The following PHLDB3 variants were observed in gnomAD, a reference collection of about 807,000 sequenced individuals.
The protein encoded by PHLDB3 is pleckstrin homology like domain family B member 3, also known as pleckstrin homology-like domain family B member 3.
A neutral mutation model predicts 85.7 loss-of-function variants in PHLDB3; 86 were observed. The observed-to-expected ratio is 1.00, with a 90% CI of 0.84 to 1.20. PHLDB3 has a LOEUF of 1.20. PHLDB3 is among the 50% of genes most tolerant of loss of function. The pLI, the probability that PHLDB3 is intolerant of heterozygous loss-of-function variation, is 0.00. For synonymous variants in PHLDB3, 376 were observed against 349.8 expected (o/e 1.07, Z -0.83); for missense variants, 995 against 873.0 (o/e 1.14, Z -1.76).
chr19:43,497,354 C>T (rs1476604932), intron 5 of PHLDB3, 75 bp from the exon 6 acceptor site: 77 of 1,210,718 alleles, frequency 6.4e-5, no homozygotes, highest in Admixed American at 1.8e-4. Flanking sequence ...GGGGCTGGGA[C>T]TCCTGGTCAG....
chr19:43,483,987 C>T (rs1971099213), intron 13 of PHLDB3, among the ~76,000 whole-genome samples: 1 of 151,782 alleles, frequency 6.6e-6, no homozygotes, highest in Non-Finnish European at 1.5e-5. Flanking sequence ...CACGGTAGCT[C>T]ATGCCTGTAA....
intron 4 of PHLDB3, among the ~76,000 whole-genome samples, chr19:43,499,469 G>A (rs981810061): frequency 6.6e-6 from 1 of 152,056 alleles, no homozygotes; most frequent in Non-Finnish European, 1.5e-5. Flanking sequence ...GGCTGCGACC[G>A]AGATTTCTGG....
In PHLDB3 at chr19:43,479,613, G is replaced by A; in HGVS notation, c.1486-20C>T. 3 of 1,492,032 alleles carry A rather than the reference G, an allele frequency of 2.0e-6. No individual in the cohort carries two copies. The highest frequency in any genetic ancestry group is 2.7e-6 in the Non-Finnish European group (3 of 1,096,858). 92.4% of individuals were successfully genotyped at this position (1,492,032 alleles called of 1,614,324 possible). The stretch of plus-strand genomic sequence containing the variant: ...TGGGGCCTGGGGAGCAAAGAGACGG[G>A]GCAGCTGATGTAAGGGGCGGGGGAT... On this transcript the variant is annotated intron_variant, in intron 13 of 15. Transcript: ENST00000292140.
chr19:43,500,920 A>T lies in PHLDB3; in HGVS notation c.534+814T>A, dbSNP rs2355993. Among the ~76,000 whole-genome samples the T allele has an allele frequency of 4.4e-3, 88 of 20,212 alleles. 11 individuals are homozygous for T. Among genetic ancestry groups the T allele is most frequent in the Middle Eastern group, 0.017 (1 of 58 alleles). 13.3% of individuals were successfully genotyped at this position (20,212 alleles called of 152,430 possible). On this transcript the variant is annotated intron_variant, in intron 4 of 15. Transcript: ENST00000292140. ...GCCCCGCCCCCCGTACCCCCCCCCC[A>T]CCCCGCAAGTACTGGGATTACAGGT...
chr19:43,487,145 G>A (rs759078240), intron 9 of PHLDB3, 22 bp from the exon 10 acceptor site: 20 of 1,548,400 alleles, frequency 1.3e-5, no homozygotes, highest in South Asian at 8.3e-5. Flanking sequence ...AAAGGCTCAT[G>A]AGCATAGGAA....
At chr19:43,497,048 AAGGC>A in intron 6 of PHLDB3, 66 bp downstream of exon 6, 1 of 1,337,926 alleles carries the variant, frequency 7.5e-7, no homozygotes, top group Non-Finnish European at 9.6e-7. Flanking sequence ...GACAGAGAAA[AAGGC>A]AGGCACAGAG....
chr19:43,502,399 C>A, intron 2 of PHLDB3, 116 bp from the exon 3 acceptor site: 1 of 886,006 alleles, frequency 1.1e-6, no homozygotes, highest in East Asian at 2.8e-5. Flanking sequence ...AGTCCACTTA[C>A]CTAACACAAC....
intron 2 of PHLDB3, 141 bp downstream of exon 2, chr19:43,503,765 A>G: frequency 2.2e-6 from 2 of 898,602 alleles, no homozygotes; most frequent in South Asian, 1.7e-5. Context: ...CTCTCTCAGT[A>G]GTCTCTGCTA....
chr19:43,475,427 C>T lies in PHLDB3; in HGVS notation c.1906G>A (p.Glu636Lys). The T allele has an allele frequency of 6.2e-7, 1 of 1,613,954 alleles. No individual in the cohort carries two copies. The highest frequency in any genetic ancestry group is 8.5e-7 in the Non-Finnish European group (1 of 1,179,856). Residue 636 changes from glutamate (E) to lysine (K), a missense_variant, in exon 16 of 16, where the codon GAA becomes AAA. Transcript: ENST00000292140. ...GGGGCCACTCAGGGGGCGTGGTTTT[C>T]GTCAGCGGCGGTCACGATGACGTCC... ...WMDVIVTAAD[E>K]NHAP
intron 15 of PHLDB3, 42 bp from the exon 16 acceptor site, chr19:43,475,586 C>G (rs1405481458): frequency 6.2e-7 from 1 of 1,612,164 alleles, no homozygotes; most frequent in Non-Finnish European, 8.5e-7. Flanking sequence ...ACAAAAGACA[C>G]CGGCCACAGT....
chr19:43,475,317 A>C lies in PHLDB3; in HGVS notation c.*93T>G. ...GGGAGAGTTCCAAAGCGGTGCGTCC[A>C]AGTTTTCCGGCAGTGGGCGGGGCCT... On this transcript the variant is annotated 3_prime_UTR_variant, in exon 16 of 16. Coordinates refer to ENST00000292140, the MANE Select transcript of PHLDB3 (RefSeq NM_198850.4). 1 of 1,505,444 alleles carries C rather than the reference A, an allele frequency of 6.6e-7. No individual in the cohort carries two copies. The highest frequency in any genetic ancestry group is 9.0e-7 in the Non-Finnish European group (1 of 1,114,600). 93.3% of individuals were successfully genotyped at this position (1,505,444 alleles called of 1,614,324 possible).
chr19:43,495,899 A>C, intron 6 of PHLDB3: 1 of 387,506 alleles, frequency 2.6e-6, no homozygotes, highest in Non-Finnish European at 4.6e-6. Flanking sequence ...AGATTCAGGC[A>C]AAAGAAAAGA....
At chr19:43,493,600 C>T (rs1017448407) in intron 9 of PHLDB3, among the ~76,000 whole-genome samples, 1 of 149,920 alleles carries the variant, frequency 6.7e-6, no homozygotes, top group Non-Finnish European at 1.5e-5. Context: ...CCATTGCACT[C>T]TAGCCTGGGC....
chr19:43,503,585 G>A (rs1423488596), intron 2 of PHLDB3, among the ~76,000 whole-genome samples: 1 of 152,094 alleles, frequency 6.6e-6, no homozygotes, highest in Non-Finnish European at 1.5e-5. Flanking sequence ...GGGATTACAG[G>A]CGTGAGCCAC....
intron 4 of PHLDB3, among the ~76,000 whole-genome samples, chr19:43,500,924 C>CG (rs1971579858): frequency 8.4e-6 from 1 of 119,110 alleles, no homozygotes; most frequent in Admixed American, 8.2e-5. Flanking sequence ...CCCCCCACCC[C>CG]GCAAGTACTG....
At position 43,497,770 on chromosome 19, in the gene PHLDB3, C is replaced by T. The variant is rs113620671; in HGVS notation, c.641G>A (p.Arg214Gln). 9 of 1,552,682 alleles carry T rather than the reference C, an allele frequency of 5.8e-6. No individual in the cohort carries two copies. Among genetic ancestry groups the T allele is most frequent in the East Asian group, 2.4e-5 (1 of 40,992 alleles). ...LDSQPEDQRE[R>Q]LLQGVQEMRE... The stretch of plus-strand genomic sequence containing the variant: ...TACCTCCTGCACACCCTGCAGAAGC[C>T]GCTCGCGTTGGTCCTCTGGCTGTGA... Residue 214 changes from arginine to glutamine, a missense_variant, in exon 5 of 16, where the codon CGG becomes CAG. Transcript: ENST00000292140.
At chr19:43,498,133 T>C (rs1471385831) in intron 4 of PHLDB3, among the ~76,000 whole-genome samples, 2 of 151,930 alleles carry the variant, frequency 1.3e-5, no homozygotes, top group Admixed American at 6.6e-5. Context: ...AGCCCAGGTG[T>C]TTGAGACTAG....
rs747854589 is a variant in PHLDB3, at chr19:43,501,785, C to T, written c.483G>A (p.Leu161=). Residue 161 remains leucine, a synonymous_variant, in exon 4 of 16, where the codon CTG becomes CTA. Coordinates refer to ENST00000292140, the MANE Select transcript of PHLDB3 (RefSeq NM_198850.4). ...ARREEEQLRE[L]LEQQAASEQR... ...GCTCCGAGGCCGCCTGCTGCTCCAG[C>T]AGCTCCCGCAGCTGCTCCTCCTCCC... 1.3e-6 allele frequency: 2 copies of T among 1,585,048 alleles called. No individual in the cohort carries two copies. Among genetic ancestry groups the T allele is most frequent in the Non-Finnish European group, 8.6e-7 (1 of 1,168,216 alleles).
chr19:43,475,831 C>T (rs1255850351), intron 15 of PHLDB3, among the ~76,000 whole-genome samples: 1 of 151,912 alleles, frequency 6.6e-6, no homozygotes, highest in Non-Finnish European at 1.5e-5. Context: ...GAGTCTGGCT[C>T]TGTCGCCAGG....
Sources: allele counts gnomAD v4.1 joint callset (sites outside exome capture counted in the v4.1 genomes callset), GRCh38; gene constraint gnomAD v4.1.1; transcripts MANE v1.5; gene names NCBI Gene and HGNC (gene_info 2026-07-23, HGNC 2026-07-21).